The following TDRD15 variants were observed in gnomAD, a reference collection of about 807,000 sequenced individuals.
TDRD15 encodes tudor domain-containing protein 15.
For missense variants in TDRD15, 1,416 were observed against 904.7 expected, an observed-to-expected ratio of 1.57 and a Z score of -7.25; for synonymous variants, 503 against 314.5, an observed-to-expected ratio of 1.60 and a Z score of -6.34.
chr2:21,131,386 A>T (rs1036551468), intron 2 of TDRD15, among the ~76,000 whole-genome samples: 1 of 152,236 alleles, frequency 6.6e-6, no homozygotes, highest in Non-Finnish European at 1.5e-5. Context: ...AGGCCAGTGG[A>T]TTTTAAGATA....
At position 21,142,215 on chromosome 2, in the gene TDRD15, C is replaced by A; in HGVS notation, c.4748C>A (p.Ala1583Glu). The A allele has an allele frequency of 1.4e-6, 1 of 691,232 alleles. No homozygotes were observed. Among genetic ancestry groups the A allele is most frequent in the Non-Finnish European group, 2.6e-6 (1 of 377,756 alleles). The allele number at this position is 691,232 out of a possible 1,614,324, so 42.8% of individuals were successfully genotyped here. Residue 1583 changes from alanine to glutamate, a missense_variant, in exon 4 of 4, where the codon GCA becomes GAA. By Grantham distance (107) the Ala-to-Glu change is moderately radical. Transcript: ENST00000405799. ...ATTGAAAAAGGTTTAGAATGCTTGG[C>A]AAAATCTAAAAATACCTTGAAATGG... is the stretch of plus-strand genomic sequence containing the variant. ...ESIEKGLECLAKSKNTLKWHR... is the reference protein window; with the variant it reads ...ESIEKGLECLEKSKNTLKWHR...
rs748993996 is a variant in TDRD15, at chr2:21,140,002, T to C, written c.2535T>C (p.Asp845=). The change falls in exon 4 of 4, where the codon GAT becomes GAC. Residue 845 remains aspartate (D), a synonymous_variant. Coordinates refer to ENST00000405799, the MANE Select transcript of TDRD15 (RefSeq NM_001306137.2). The stretch of plus-strand genomic sequence containing the variant: ...ACCAAAAAAGGGTTTTAATTGAAGA[T>C]CTTTGTGCAATTAACCCACGTTTTC... ...YGYQKRVLIE[D]LCAINPRFLL... is the part of the protein sequence containing the mutation. 1.4e-6 allele frequency: 1 copy of C among 715,808 alleles called. No homozygotes were observed. Among genetic ancestry groups the C allele is most frequent in the East Asian group, 2.7e-5 (1 of 37,258 alleles). The allele number at this position is 715,808 out of a possible 1,614,324, so 44.3% of individuals were successfully genotyped here.
chr2:21,140,271 C>G lies in TDRD15; in HGVS notation c.2804C>G (p.Ser935Cys), dbSNP rs531481635. The change falls in exon 4 of 4, where the codon TCT (serine) becomes TGT (cysteine). Residue 935 changes from serine (S) to cysteine (C), a missense_variant. Coordinates refer to ENST00000405799, the MANE Select transcript of TDRD15 (RefSeq NM_001306137.2). ...SAKEFLMNRG[S>C]AQYITLSETF... Reference sequence around the variant, plus strand: ...AAAGAATTTCTTATGAATCGTGGCTCTGCTCAGTATATCACATTATCAGAG... The same window carrying G: ...AAAGAATTTCTTATGAATCGTGGCTGTGCTCAGTATATCACATTATCAGAG... 5.3e-5 allele frequency: 38 copies of G among 715,410 alleles called. No individual in the cohort carries two copies. The highest frequency in any genetic ancestry group is 5.1e-4 in the African/African-American group (29 of 57,260). The allele number at this position is 715,410 out of a possible 1,614,324, so 44.3% of individuals were successfully genotyped here.
rs1034421729 is a variant in TDRD15, at chr2:21,142,059, C to T, written c.4592C>T (p.Ala1531Val). 2.9e-5 allele frequency: 20 copies of T among 698,836 alleles called. No individual in the cohort carries two copies. In the African/African-American group the frequency reaches 3.0e-4, roughly 11 times the overall value. The allele number at this position is 698,836 out of a possible 1,614,324, so 43.3% of individuals were successfully genotyped here. A position where few individuals can be genotyped will look rare whatever the true frequency, so the allele number is the denominator to read the frequency against. The change falls in exon 4 of 4, where the codon GCT (alanine) becomes GTT (valine). Residue 1531 changes from alanine (A) to valine (V), a missense_variant. Physicochemically the swap from Ala to Val is moderately conservative, Grantham distance 64. Coordinates refer to ENST00000405799, the MANE Select transcript of TDRD15 (RefSeq NM_001306137.2). ...EEFKLGQLEK[A>V]EMLNVSKSGR... ...TTCAAACTTGGACAACTTGAAAAAGCTGAAATGCTTAATGTTTCAAAAAGT... is the reference window on the plus strand; with the variant it reads ...TTCAAACTTGGACAACTTGAAAAAGTTGAAATGCTTAATGTTTCAAAAAGT...
intron 1 of TDRD15, among the ~76,000 whole-genome samples, chr2:21,127,343 T>C (rs1324419143): frequency 6.6e-6 from 1 of 152,238 alleles, no homozygotes; most frequent in Non-Finnish European, 1.5e-5. Context: ...TGTCCCTCTT[T>C]AGCAGTTTGA....
chr2:21,125,999 CAT>C (rs1468991639), intron 1 of TDRD15, among the ~76,000 whole-genome samples: 24 of 151,204 alleles, frequency 1.6e-4, no homozygotes, highest in Admixed American at 1.6e-3. Flanking sequence ...TCAGGTTGTG[CAT>C]GTGTGTGTGT....
At chr2:21,134,696 T>G (rs1558297288) in intron 2 of TDRD15, 66 bp from the exon 3 acceptor site, 1 of 151,988 alleles carries the variant, frequency 6.6e-6, no homozygotes, top group Non-Finnish European at 1.5e-5. Flanking sequence ...ATTTTACATT[T>G]TAAGATTTCT....
chr2:21,136,017 G>A (rs1473413771), intron 3 of TDRD15, among the ~76,000 whole-genome samples: 1 of 151,992 alleles, frequency 6.6e-6, no homozygotes, highest in East Asian at 1.9e-4. Flanking sequence ...GAAAAAGGGT[G>A]GCATGGTTCC....
chr2:21,138,787 T>A lies in TDRD15; in HGVS notation c.1320T>A (p.Ser440=), dbSNP rs948352161. The A allele has an allele frequency of 2.8e-6, 2 of 714,488 alleles. No homozygotes were observed. Among genetic ancestry groups the A allele is most frequent in the African/African-American group, 3.5e-5 (2 of 57,080 alleles). 44.3% of individuals were successfully genotyped at this position (714,488 alleles called of 1,614,324 possible). Residue 440 remains serine, a synonymous_variant, in exon 4 of 4, where the codon TCT becomes TCA. Transcript: ENST00000405799. ...ATATCTTGAGTGAGACAAGTGTGTC[T>A]GATGTAAACAGCTTTGCAGTTGAGA... is the stretch of plus-strand genomic sequence containing the variant. ...ISNILSETSV[S]DVNSFAVESF...
rs542027461 is a variant in TDRD15, at chr2:21,124,496, T to C, written c.-201+450T>C. 4.4e-3 allele frequency among the ~76,000 whole-genome samples: 570 copies of C among 129,056 alleles called. 1 individual carries two copies. The highest frequency in any genetic ancestry group is 7.9e-3 in the Non-Finnish European group (492 of 62,122). The allele number at this position is 129,056 out of a possible 152,430, so 84.7% of individuals were successfully genotyped here. On this transcript the variant is annotated intron_variant, in intron 1 of 3. Coordinates refer to ENST00000405799, the MANE Select transcript of TDRD15 (RefSeq NM_001306137.2). ...GCCAGGGTGTGTGTGTGTGTGTGTG[T>C]GACAGAGTGATCCTAATGCCAGGGT...
At chr2:21,125,429 GGTGT>G (rs77767650) in intron 1 of TDRD15, among the ~76,000 whole-genome samples, 140 of 147,332 alleles carry the variant, frequency 9.5e-4, no homozygotes, top group African/African-American at 1.5e-3. Context: ...CGAATGCCAG[GGTGT>G]GTGTGTGTGT....
At position 21,142,768 on chromosome 2, in the gene TDRD15, T is replaced by TG. The variant is rs1208667623; in HGVS notation, c.5302dup (p.Asp1768GlyfsTer19). On this transcript the variant is annotated frameshift_variant, in exon 4 of 4. Transcript: ENST00000405799. LOFTEE classifies it low-confidence loss of function (END_TRUNC). ...TGAAATACCTTTTTATGTTGCTTTC[T>TG]GATCTACCAGAGACCTTACAAACAT... The TG allele has an allele frequency of 1.4e-6, 1 of 714,564 alleles. No homozygotes were observed. Among genetic ancestry groups the TG allele is most frequent in the Non-Finnish European group, 2.6e-6 (1 of 383,484 alleles). 44.3% of individuals were successfully genotyped at this position (714,564 alleles called of 1,614,324 possible).
chr2:21,146,706 C>T (rs533752560), downstream of TDRD15, among the ~76,000 whole-genome samples: 1 of 152,106 alleles, frequency 6.6e-6, no homozygotes, highest in East Asian at 1.9e-4. Flanking sequence ...TGAAAGAAAT[C>T]TAGAATGACA....
chr2:21,143,166 A>T lies in TDRD15; in HGVS notation c.5699A>T (p.Asn1900Ile). 1.4e-6 allele frequency: 1 copy of T among 707,742 alleles called. No homozygotes were observed. Among genetic ancestry groups the T allele is most frequent in the Non-Finnish European group, 2.6e-6 (1 of 381,648 alleles). 43.8% of individuals were successfully genotyped at this position (707,742 alleles called of 1,614,324 possible). The part of the protein sequence containing the change: ...KLKVDVIHEK[N>I]NLADILVASG... ...AAAGTAGATGTCATTCATGAGAAAA[A>T]CAATTTGGCAGATATATTAGTTGCA... Residue 1900 changes from asparagine (N) to isoleucine (I), a missense_variant, in exon 4 of 4, where the codon AAC becomes ATC. By Grantham distance (149) the Asn-to-Ile change is moderately radical (BLOSUM62 -3). Coordinates refer to ENST00000405799, the MANE Select transcript of TDRD15 (RefSeq NM_001306137.2).
chr2:21,132,312 T>A (rs1166600754), intron 2 of TDRD15, among the ~76,000 whole-genome samples: 1 of 152,120 alleles, frequency 6.6e-6, no homozygotes, highest in Non-Finnish European at 1.5e-5. Flanking sequence ...TAGAAGCCAC[T>A]GATTTTTTTT....
rs3791983 is a variant in TDRD15, at chr2:21,143,452, G to A, written c.*180G>A. On this transcript the variant is annotated 3_prime_UTR_variant, in exon 4 of 4. Transcript: ENST00000405799. ...AAGATCACATTCTAGAAATTTAACA[G>A]TGAGAAAGAAAGTTGGTAGTGGAAA... Among the ~76,000 whole-genome samples, 2 of 151,504 alleles carry A rather than the reference G, an allele frequency of 1.3e-5. No individual in the cohort carries two copies. The highest frequency in any genetic ancestry group is 3.0e-5 in the Non-Finnish European group (2 of 67,590).
rs1379874774 is a variant in TDRD15, at chr2:21,139,692, A to C, written c.2225A>C (p.Glu742Ala). ...CCTTTCACCTTGTCTGTGGGACCTG[A>C]GTCATCCTGGCCTTATAAAGAATAT... ...KNPFTLSVGP[E>A]SSWPYKEYIF... The change falls in exon 4 of 4, where the codon GAG (glutamate) becomes GCG (alanine). Residue 742 changes from glutamate to alanine, a missense_variant. By Grantham distance (107) the Glu-to-Ala change is moderately radical. Transcript: ENST00000405799. 1.4e-6 allele frequency: 1 copy of C among 714,278 alleles called. No homozygotes were observed. The highest frequency in any genetic ancestry group is 2.7e-5 in the East Asian group (1 of 37,264). The allele number at this position is 714,278 out of a possible 1,614,324, so 44.2% of individuals were successfully genotyped here.
chr2:21,137,357 A>G (rs2103442613), intron 3 of TDRD15, 108 bp from the exon 4 acceptor site: 1 of 478,090 alleles, frequency 2.1e-6, no homozygotes, highest in East Asian at 3.2e-5. Context: ...TTTAAATTTG[A>G]TAAAATACAG....
At position 21,140,126 on chromosome 2, in the gene TDRD15, T is replaced by C. The variant is rs1346801301; in HGVS notation, c.2659T>C (p.Leu887=). Residue 887 remains leucine, a synonymous_variant, in exon 4 of 4, where the codon TTG becomes CTG. Coordinates refer to ENST00000405799, the MANE Select transcript of TDRD15 (RefSeq NM_001306137.2). Reference sequence around the variant, plus strand: ...TTGGACAAGAAAAGCATTCAGAGACTTGTGGAATTTTATCTCTTCATCTAG... The same window carrying C: ...TTGGACAAGAAAAGCATTCAGAGACCTGTGGAATTTTATCTCTTCATCTAG... ...FSWTRKAFRD[L]WNFISSSRGL... is the part of the protein sequence containing the mutation. 1 of 715,968 alleles carries C rather than the reference T, an allele frequency of 1.4e-6. No homozygotes were observed. The highest frequency in any genetic ancestry group is 2.6e-6 in the Non-Finnish European group (1 of 384,068). 44.4% of individuals were successfully genotyped at this position (715,968 alleles called of 1,614,324 possible).
Sources: gnomAD v4.1 joint callset for allele counts (sites outside exome capture counted in the v4.1 genomes callset) on GRCh38, gnomAD v4.1.1 for gene constraint, MANE v1.5 for transcripts, NCBI Gene and HGNC (gene_info 2026-07-23, HGNC 2026-07-21) for gene names.